Variants in TCF25 observed in about 807,000 individuals in gnomAD.
TCF25 encodes the protein ribosome quality control complex subunit TCF25.
A neutral mutation model predicts 83.1 loss-of-function variants in TCF25; 41 were observed. The observed-to-expected ratio is 0.49, with a 90% confidence interval of 0.38 to 0.64. The LOEUF is 0.64. TCF25 is among the 30% of genes least tolerant of loss of function. The pLI, the probability that TCF25 is intolerant of heterozygous loss-of-function variation, is 0.00. For missense variants in TCF25, 979 were observed against 914.5 expected (o/e 1.07, Z -0.91); for synonymous variants, 458 against 365.0 (o/e 1.25, Z -2.90).
chr16:89,877,523 A>G (rs1278460946), intron 1 of TCF25, among the ~76,000 whole-genome samples: 1 of 152,236 alleles, frequency 6.6e-6, no homozygotes, highest in African/African-American at 2.4e-5. Context: ...GAACTTTATC[A>G]TCGTAAATTT....
In TCF25 at chr16:89,911,109, G is replaced by A. The variant is rs768237324; in HGVS notation, c.1902G>A (p.Gly634=). The A allele has an allele frequency of 3.1e-6, 5 of 1,611,290 alleles. No individual in the cohort carries two copies. Among genetic ancestry groups the A allele is most frequent in the Admixed American group, 1.7e-5 (1 of 59,994 alleles). The change falls in exon 18 of 18, where the codon GGG becomes GGA. Residue 634 remains glycine, a synonymous_variant. Coordinates refer to ENST00000263346, the MANE Select transcript of TCF25 (RefSeq NM_014972.3). ...EGERPEEGVA[G]GLNRNQGLNR... ...AGAGGCCCGAGGAAGGAGTGGCTGG[G>A]GGTCTGAACCGCAACCAGGGCCTGA...
At chr16:89,902,725 CGAGGGGCTGT>C (rs1365575984) in intron 12 of TCF25, among the ~76,000 whole-genome samples, 1 of 132,608 alleles carries the variant, frequency 7.5e-6, no homozygotes, top group Non-Finnish European at 1.8e-5. Context: ...GGGCCTCCTC[CGAGGGGCTGT>C]GAGGGGTGAG....
At chr16:89,874,843 C>A (rs997762665) in intron 1 of TCF25, 1 of 151,482 alleles carries the variant, frequency 6.6e-6, no homozygotes, top group Non-Finnish European at 1.5e-5. Context: ...AGAACTTCTG[C>A]GCTCAAACAA....
chr16:89,874,255 A>C (rs1289279190), intron 1 of TCF25, among the ~76,000 whole-genome samples: 4 of 151,528 alleles, frequency 2.6e-5, no homozygotes, highest in Non-Finnish European at 4.4e-5. Context: ...GGCGGGATTA[A>C]ATGGGCCTGC....
At position 89,895,995 on chromosome 16, in the gene TCF25, G is replaced by A; in HGVS notation, c.934G>A (p.Ala312Thr). ...TGGCGTCCCTGTGCCCACAGAGAGA[G>A]CGCTGTACAGCATGGAATGTGCGTT... ...QEMARDLVER[A>T]LYSMECAFHP... The change falls in exon 9 of 18, where the codon GCG becomes ACG. Residue 312 changes from alanine (A) to threonine (T), a missense_variant. Coordinates refer to ENST00000263346, the MANE Select transcript of TCF25 (RefSeq NM_014972.3). The A allele has an allele frequency of 6.2e-7, 1 of 1,613,892 alleles. No homozygotes were observed. The highest frequency in any genetic ancestry group is 8.5e-7 in the Non-Finnish European group (1 of 1,179,974).
chr16:89,907,754 C>T (rs1440872142), intron 16 of TCF25, among the ~76,000 whole-genome samples: 3 of 114,446 alleles, frequency 2.6e-5, no homozygotes, highest in Non-Finnish European at 5.4e-5. Flanking sequence ...CACCTTCCAG[C>T]TCCCGCCTCC....
In TCF25 at chr16:89,881,286, A is replaced by G. The variant is rs559598384; in HGVS notation, c.193-2065A>G. Reference sequence around the variant, plus strand: ...CTGTTTCAGAAACTATCTCAGGGCTATGGGGCTTGGAGCTGATTGTGTTTT... The same window carrying G: ...CTGTTTCAGAAACTATCTCAGGGCTGTGGGGCTTGGAGCTGATTGTGTTTT... On this transcript the variant is annotated intron_variant, in intron 1 of 17. Transcript: ENST00000263346. Among the ~76,000 whole-genome samples, 4 of 152,206 alleles carry G rather than the reference A, an allele frequency of 2.6e-5. No homozygotes were observed. In the East Asian group the frequency reaches 5.8e-4, roughly 22 times the overall value.
rs1397439163 is a variant in TCF25 at position 89,908,058 on chromosome 16, G to A, written c.1799+736G>A. 7.1e-4 allele frequency among the ~76,000 whole-genome samples: 27 copies of A among 37,892 alleles called. 1 individual carries two copies. Among genetic ancestry groups the A allele is most frequent in the East Asian group, 3.9e-3 (5 of 1,276 alleles). The allele number at this position is 37,892 out of a possible 152,430, so 24.9% of individuals were successfully genotyped here. On this transcript the variant is annotated intron_variant, in intron 16 of 17. Transcript: ENST00000263346. ...TCCCACCTCCTACCTCCCAGCTCCC[G>A]CCTCCCACCTTACAGCCCCTGTCTC...
chr16:89,908,820 C>T (rs1217378564), intron 16 of TCF25: 3 of 884,216 alleles, frequency 3.4e-6, no homozygotes, highest in Middle Eastern at 9.0e-4. Flanking sequence ...TCGCAGCTCC[C>T]AGCTCCCAGC....
intron 4 of TCF25, 122 bp downstream of exon 4, chr16:89,886,088 C>T: frequency 1.3e-6 from 1 of 763,306 alleles, no homozygotes; most frequent in Non-Finnish European, 2.3e-6. Flanking sequence ...GGAAAAGGTT[C>T]TCTAAAAAAG....
At chr16:89,908,356 CCCATCTT>C (rs2144321750) in intron 16 of TCF25, among the ~76,000 whole-genome samples, 1 of 147,670 alleles carries the variant, frequency 6.8e-6, no homozygotes. Context: ...CCTCCCAGCT[CCCATCTT>C]CCAGCTCCCA....
Position 89,899,039 on chromosome 16 carries a change from C to T in TCF25, c.1221+167C>T, listed in dbSNP as rs536359551. On this transcript the variant is annotated intron_variant, in intron 11 of 17. Coordinates refer to ENST00000263346, the MANE Select transcript of TCF25 (RefSeq NM_014972.3). ...TTGTTTGTCTCCCTTGCCGCCTCTA[C>T]GGAGTGGAATGTGGTTTTCCTAGGG... Among the ~76,000 whole-genome samples, 119 of 152,310 alleles carry T rather than the reference C, an allele frequency of 7.8e-4. 1 individual carries two copies. The South Asian group carries it at 9.5e-3, about 12-fold the overall frequency.
At chr16:89,907,975 C>T (rs2045076548) in intron 16 of TCF25, among the ~76,000 whole-genome samples, 1 of 134,534 alleles carries the variant, frequency 7.4e-6, no homozygotes, top group Non-Finnish European at 1.6e-5. Context: ...CTAGCTCCCA[C>T]CTCCCAGCTC....
intron 15 of TCF25, 80 bp downstream of exon 15, chr16:89,906,364 C>A: frequency 7.0e-7 from 1 of 1,422,240 alleles, no homozygotes; most frequent in Non-Finnish European, 9.7e-7. Flanking sequence ...GGTCCACATG[C>A]AGGCGTGCGT....
chr16:89,904,418 C>A (rs2044602922), intron 13 of TCF25: 1 of 602,056 alleles, frequency 1.7e-6, no homozygotes, highest in Non-Finnish European at 3.0e-6. Context: ...CAGCCTCCAG[C>A]TTAAAAACGA....
chr16:89,876,493 G>A (rs1462226281), intron 1 of TCF25, among the ~76,000 whole-genome samples: 1 of 152,004 alleles, frequency 6.6e-6, no homozygotes, highest in Non-Finnish European at 1.5e-5. Context: ...TAAACTCCTG[G>A]GCTCAAGAGA....
intron 1 of TCF25, among the ~76,000 whole-genome samples, chr16:89,876,469 G>C (rs1368123703): frequency 1.3e-5 from 2 of 152,142 alleles, no homozygotes; most frequent in African/African-American, 4.8e-5. Context: ...TCTTTATGTT[G>C]CCTAGGTTGG....
rs774758818 is a variant in TCF25, at chr16:89,905,118, GC to G, written c.1628+25del. 1.4e-5 allele frequency: 22 copies of G among 1,544,040 alleles called. No individual in the cohort carries two copies. In the African/African-American group the frequency reaches 2.6e-4, roughly 18 times the overall value. ...ACCGGTGAGCTAGGGGTTGACACAA[GC>G]CCTGCCACGCCCCCTCCTCAGGGAC... On this transcript the variant is annotated intron_variant, in intron 14 of 17. Transcript: ENST00000263346.
intron 5 of TCF25, chr16:89,889,272 G>A: frequency 2.6e-6 from 1 of 390,608 alleles, no homozygotes; most frequent in East Asian, 8.4e-5. Flanking sequence ...TGAACTCGTG[G>A]CCTCAAGTGA....
Sources: allele counts gnomAD v4.1 joint callset (sites outside exome capture counted in the v4.1 genomes callset), GRCh38; gene constraint gnomAD v4.1.1; transcripts MANE v1.5; gene names NCBI Gene and HGNC (gene_info 2026-07-23, HGNC 2026-07-21).